Variants in VAPB observed in about 807,000 individuals in gnomAD.
VAPB encodes VAMP associated protein B and C, also known as vesicle-associated membrane protein-associated protein B/C.
VAPB carries 7 observed loss-of-function variants against 25.6 expected under a neutral mutation model. That is an observed-to-expected ratio of 0.27 (90% confidence interval 0.16 to 0.51). The LOEUF is 0.51. Among genes scored for constraint, VAPB ranks in the 20% least tolerant of loss-of-function variants. The probability of loss-of-function intolerance (pLI) is 0.97; values close to 1 mark genes in which losing one functional copy is unlikely to be tolerated. For missense variants in VAPB, 266 were observed against 301.3 expected, an observed-to-expected ratio of 0.88 and a Z score of 0.87; for synonymous variants, 112 against 109.2, an observed-to-expected ratio of 1.03 and a Z score of -0.16.
rs139523709 is a variant in VAPB at position 58,424,679 on chromosome 20, C to G, written c.211+6316C>G. The stretch of plus-strand genomic sequence containing the variant: ...ATATTTATAAAAAAGAGTGAATAAG[C>G]CTTGTTATTTGGCCAGTGCCTGTAT... On this transcript the variant is annotated intron_variant, in intron 2 of 5. Transcript: ENST00000475243. 2.9e-3 allele frequency among the ~76,000 whole-genome samples: 442 copies of G among 152,284 alleles called. 2 individuals carry two copies. The highest frequency in any genetic ancestry group is 0.01 in the African/African-American group (432 of 41,554).
intron 2 of VAPB, among the ~76,000 whole-genome samples, chr20:58,426,489 G>A (rs943194349): frequency 3.9e-5 from 6 of 152,172 alleles, no homozygotes; most frequent in Non-Finnish European, 8.8e-5. Flanking sequence ...AGACTTTGAT[G>A]ATGATAGGAG....
Position 58,444,906 on chromosome 20 carries a change from G to T in VAPB, c.*671G>T. 4.4e-6 allele frequency: 2 copies of T among 454,588 alleles called. No homozygotes were observed. Among genetic ancestry groups the T allele is most frequent in the South Asian group, 3.1e-5 (2 of 64,480 alleles). 28.2% of individuals were successfully genotyped at this position (454,588 alleles called of 1,614,324 possible). A position where few individuals can be genotyped will look rare whatever the true frequency, so the allele number is the denominator to read the frequency against. On this transcript the variant is annotated 3_prime_UTR_variant, in exon 6 of 6. Transcript: ENST00000475243. ...AGCTAAATTTGTATTGGTTCATGTA[G>T]TGAAGTCAAACTGTTATTCAGAGAT...
chr20:58,407,809 T>C (rs1197976386), intron 1 of VAPB, among the ~76,000 whole-genome samples: 1 of 152,234 alleles, frequency 6.6e-6, no homozygotes, highest in African/African-American at 2.4e-5. Flanking sequence ...TTCATTCTTT[T>C]AAAGAGTTGT....
chr20:58,415,377 G>A (rs1210648636), intron 1 of VAPB, among the ~76,000 whole-genome samples: 1 of 152,152 alleles, frequency 6.6e-6, no homozygotes, highest in East Asian at 1.9e-4. Context: ...CATAATCTAG[G>A]ACATAAAGGG....
rs758621307 is a variant in VAPB, at chr20:58,389,386, CGCA to C, written c.-70_-68del. On this transcript the variant is annotated 5_prime_UTR_variant, in exon 1 of 6. Transcript: ENST00000475243. ...GCCTTTTTGTAAAACTTAAAGCGGG[CGCA>C]GCATTAACGCTTCCCGCCCCGGTGA... 20 of 1,367,380 alleles carry C rather than the reference CGCA, an allele frequency of 1.5e-5. No individual in the cohort carries two copies. The highest frequency in any genetic ancestry group is 8.7e-5 in the Admixed American group (4 of 46,064). 84.7% of individuals were successfully genotyped at this position (1,367,380 alleles called of 1,614,324 possible). A position where few individuals can be genotyped will look rare whatever the true frequency, so the allele number is the denominator to read the frequency against.
intron 1 of VAPB, among the ~76,000 whole-genome samples, chr20:58,407,708 G>T (rs556118989): frequency 6.8e-6 from 1 of 146,648 alleles, no homozygotes; most frequent in Non-Finnish European, 1.5e-5. Flanking sequence ...AACTATTTCC[G>T]TTTTTTTCTA....
chr20:58,399,231 T>C (rs984879031), intron 1 of VAPB, among the ~76,000 whole-genome samples: 2 of 145,626 alleles, frequency 1.4e-5, no homozygotes, highest in African/African-American at 5.1e-5. Flanking sequence ...GCTGGGGAGG[T>C]GGAGGTTGCA....
At chr20:58,390,700 G>A (rs929486735) in intron 1 of VAPB, among the ~76,000 whole-genome samples, 1 of 152,090 alleles carries the variant, frequency 6.6e-6, no homozygotes, top group Non-Finnish European at 1.5e-5. Context: ...ATGCTCAGTT[G>A]GTATTTATGA....
At chr20:58,418,810 C>T (rs1988607085) in intron 2 of VAPB, among the ~76,000 whole-genome samples, 1 of 152,150 alleles carries the variant, frequency 6.6e-6, no homozygotes, top group Non-Finnish European at 1.5e-5. Context: ...CATACCATTT[C>T]CAGTGATTGG....
chr20:58,447,248 G>A lies in VAPB; in HGVS notation c.*3013G>A, dbSNP rs1397558115. The A allele has an allele frequency of 8.8e-6, 4 of 454,112 alleles. No homozygotes were observed. The East Asian group carries it at 2.1e-4, about 24-fold the overall frequency. The allele number at this position is 454,112 out of a possible 1,614,324, so 28.1% of individuals were successfully genotyped here. On this transcript the variant is annotated 3_prime_UTR_variant, in exon 6 of 6. Coordinates refer to ENST00000475243, the MANE Select transcript of VAPB (RefSeq NM_004738.5). Reference sequence around the variant, plus strand: ...TAAATTGGTAACTTAAGCTTCCTTGGCACGATACAAAATACCTCTTAAAGA... The same window carrying A: ...TAAATTGGTAACTTAAGCTTCCTTGACACGATACAAAATACCTCTTAAAGA...
intron 1 of VAPB, among the ~76,000 whole-genome samples, chr20:58,391,128 C>T (rs1987784940): frequency 6.6e-6 from 1 of 152,146 alleles, no homozygotes; most frequent in African/African-American, 2.4e-5. Context: ...GTCTGAAGTT[C>T]TTTCTCTATC....
intron 2 of VAPB, among the ~76,000 whole-genome samples, chr20:58,429,499 A>G (rs2123079432): frequency 6.6e-6 from 1 of 152,328 alleles, no homozygotes; most frequent in African/African-American, 2.4e-5. Flanking sequence ...AGGATGTTCT[A>G]GGCCTGGAGC....
At chr20:58,439,457 C>T (rs1989115379) in intron 4 of VAPB, 1 of 209,904 alleles carries the variant, frequency 4.8e-6, no homozygotes, top group African/African-American at 2.3e-5. Context: ...ACCCTATCTA[C>T]CTCTTCAATC....
At chr20:58,390,552 C>T (rs1420655168) in intron 1 of VAPB, among the ~76,000 whole-genome samples, 5 of 152,114 alleles carry the variant, frequency 3.3e-5, no homozygotes, top group Non-Finnish European at 7.4e-5. Context: ...CCGACGAGGA[C>T]AGACAAACCA....
chr20:58,409,234 A>G (rs915722960), intron 1 of VAPB, among the ~76,000 whole-genome samples: 5 of 152,240 alleles, frequency 3.3e-5, no homozygotes, highest in African/African-American at 1.2e-4. Flanking sequence ...TAGAAGGGGA[A>G]GATTTACATA....
Position 58,447,920 on chromosome 20 carries a change from C to T in VAPB, c.*3685C>T, listed in dbSNP as rs1439856916. ...AGTGTCACTTTGAACACCTGAATAA[C>T]ATTTAACTCCTGAGACCTTCTCGGT... On this transcript the variant is annotated 3_prime_UTR_variant, in exon 6 of 6. Coordinates refer to ENST00000475243, the MANE Select transcript of VAPB (RefSeq NM_004738.5). 2.2e-6 allele frequency: 1 copy of T among 453,830 alleles called. No individual in the cohort carries two copies. Among genetic ancestry groups the T allele is most frequent in the South Asian group, 1.6e-5 (1 of 64,446 alleles). 28.1% of individuals were successfully genotyped at this position (453,830 alleles called of 1,614,324 possible).
At position 58,449,760 on chromosome 20, in the gene VAPB, A is replaced by G. The variant is rs754819845; in HGVS notation, c.*5525A>G. On this transcript the variant is annotated 3_prime_UTR_variant, in exon 6 of 6. Transcript: ENST00000475243. ...ACACCCCAGGGCTGATGGAGATGTA[A>G]TCACTTGGCTAATGGATGTGGGTGC... 1 of 454,120 alleles carries G rather than the reference A, an allele frequency of 2.2e-6. No homozygotes were observed. The highest frequency in any genetic ancestry group is 6.9e-5 in the East Asian group (1 of 14,402). 28.1% of individuals were successfully genotyped at this position (454,120 alleles called of 1,614,324 possible). A position where few individuals can be genotyped will look rare whatever the true frequency, so the allele number is the denominator to read the frequency against.
At chr20:58,437,027 T>C (rs1012281644) in intron 3 of VAPB, among the ~76,000 whole-genome samples, 26 of 102,910 alleles carry the variant, frequency 2.5e-4, no homozygotes, top group African/African-American at 9.7e-4. Flanking sequence ...TGAGACAAAG[T>C]CTTGCTTTGT....
chr20:58,411,973 C>T (rs1988392054), intron 1 of VAPB, among the ~76,000 whole-genome samples: 4 of 152,214 alleles, frequency 2.6e-5, no homozygotes, highest in Non-Finnish European at 5.9e-5. Context: ...GCCACTGTGC[C>T]CAGCCTTCAT....
Sources: allele counts gnomAD v4.1 joint callset (sites outside exome capture counted in the v4.1 genomes callset), GRCh38; gene constraint gnomAD v4.1.1; transcripts MANE v1.5; gene names NCBI Gene and HGNC (gene_info 2026-07-23, HGNC 2026-07-21).